INSL6: variants seen among roughly 807,000 people sequenced by gnomAD.
The protein encoded by INSL6 is insulin-like peptide INSL6.
INSL6 carries 16 observed loss-of-function variants against 9.4 expected under a neutral mutation model. The ratio of observed to expected loss-of-function variants is 1.70; its 90% CI spans 1.15 to 2.59. The LOEUF is 2.59. Among genes scored for constraint, INSL6 ranks in the 30% most tolerant of loss-of-function variants. The probability of loss-of-function intolerance (pLI) is 0.00; values close to 1 mark genes in which losing one functional copy is unlikely to be tolerated. For missense variants in INSL6, 391 were observed against 257.3 expected, an observed-to-expected ratio of 1.52 and a Z score of -3.56; for synonymous variants, 154 against 96.9, an observed-to-expected ratio of 1.59 and a Z score of -3.46.
chr9:5,127,749 T>C (rs760162707), intron 3 of INSL6: 1 of 232,512 alleles, frequency 4.3e-6, no homozygotes, highest in Non-Finnish European at 8.5e-6. Context: ...GATTAGATTG[T>C]TTTTTAAAAA....
chr9:5,108,679 T>G, the INSL6 span: 1 of 151,978 alleles, frequency 6.6e-6, no homozygotes, highest in Non-Finnish European at 1.5e-5. Flanking sequence ...CTCAGCCCCC[T>G]AACAGAATAT....
At position 5,165,529 on chromosome 9, in the gene INSL6, T is replaced by G. The variant is rs570566775; in HGVS notation, c.290-1264A>C. 2.6e-5 allele frequency among the ~76,000 whole-genome samples: 4 copies of G among 152,354 alleles called. No homozygotes were observed. The East Asian group carries it at 5.8e-4, about 22-fold the overall frequency. On this transcript the variant is annotated intron_variant, in intron 1 of 1. Coordinates refer to ENST00000381641, the MANE Select transcript of INSL6 (RefSeq NM_007179.3). ...GCATTTACCTCATGGCTAATGATGT[T>G]AAGCATTTTTTCATATGCTTATTAT...
chr9:4,998,112 G>C, the INSL6 span, among the ~76,000 whole-genome samples: 1 of 152,006 alleles, frequency 6.6e-6, no homozygotes, highest in African/African-American at 2.4e-5. Flanking sequence ...TTCACGAGCA[G>C]AATTAATTAA....
the INSL6 span, among the ~76,000 whole-genome samples, chr9:5,002,136 TTTGA>T: frequency 6.6e-6 from 1 of 151,790 alleles, no homozygotes; most frequent in Non-Finnish European, 1.5e-5. Flanking sequence ...AAAGTTTTGG[TTTGA>T]TTGATTTTCT....
the INSL6 span, among the ~76,000 whole-genome samples, chr9:5,019,195 T>C: frequency 6.6e-6 from 1 of 152,210 alleles, no homozygotes; most frequent in African/African-American, 2.4e-5. Context: ...AAAATTCTAA[T>C]ATTAGTTTGC....
chr9:5,185,202 G>T, intron 1 of INSL6, 112 bp downstream of exon 1: 1 of 1,329,534 alleles, frequency 7.5e-7, no homozygotes, highest in Non-Finnish European at 1.1e-6. Flanking sequence ...TTAAAGAGCT[G>T]TGTACTAGGC....
chr9:5,093,380 A>T, the INSL6 span, among the ~76,000 whole-genome samples: 1 of 152,176 alleles, frequency 6.6e-6, no homozygotes, highest in Non-Finnish European at 1.5e-5. Context: ...TTGCAAAGGT[A>T]ACATAATCAC....
chr9:5,116,492 C>T, the INSL6 span, among the ~76,000 whole-genome samples: 1 of 152,056 alleles, frequency 6.6e-6, no homozygotes, highest in Non-Finnish European at 1.5e-5. Context: ...TCTGTTTTGG[C>T]CATATCCCCA....
chr9:5,160,634 A>ATGGCATCATCTCGGCTCACTGC (rs1824906164), downstream of INSL6, among the ~76,000 whole-genome samples: 1 of 152,172 alleles, frequency 6.6e-6, no homozygotes, highest in Non-Finnish European at 1.5e-5. Context: ...AATGAATACA[A>ATGGCATCATCTCGGCTCACTGC]AAGATCAACG....
At position 5,150,508 on chromosome 9, in the gene INSL6, T is replaced by C. The variant is rs567931107; in HGVS notation, c.376+13671A>G. On this transcript the variant is annotated intron_variant, in intron 2 of 3. Coordinates refer to the INSL6 transcript ENST00000649639. ...TCACTGATGTTCAGAGAAAAACAAGTTGAAACTACAATAAGATGACATCTT... is the reference window on the plus strand; with the variant it reads ...TCACTGATGTTCAGAGAAAAACAAGCTGAAACTACAATAAGATGACATCTT... Among the ~76,000 whole-genome samples the C allele has an allele frequency of 2.6e-5, 4 of 152,224 alleles. No homozygotes were observed. The South Asian group carries it at 8.3e-4, about 32-fold the overall frequency.
intron 2 of INSL6, among the ~76,000 whole-genome samples, chr9:5,151,452 T>G (rs1824711149): frequency 6.6e-6 from 1 of 152,066 alleles, no homozygotes; most frequent in Non-Finnish European, 1.5e-5. Flanking sequence ...TTTGTGTGGT[T>G]TATAATGCAT....
At chr9:5,120,769 G>C (rs1823552929), downstream of INSL6, among the ~76,000 whole-genome samples, 1 of 152,150 alleles carries the variant, frequency 6.6e-6, no homozygotes, top group African/African-American at 2.4e-5. Context: ...ACTCTAAAGG[G>C]ACTTAGTGGG....
At chr9:5,028,227 T>G in the INSL6 span, among the ~76,000 whole-genome samples, 1 of 152,210 alleles carries the variant, frequency 6.6e-6, no homozygotes, top group East Asian at 1.9e-4. Flanking sequence ...CAACATGAAA[T>G]TCAATGTACA....
chr9:5,134,452 G>A lies in INSL6; in HGVS notation c.377-860C>T, dbSNP rs559226449. Among the ~76,000 whole-genome samples, 4 of 152,258 alleles carry A rather than the reference G, an allele frequency of 2.6e-5. No individual in the cohort carries two copies. The East Asian group carries it at 7.7e-4, about 29-fold the overall frequency. ...AAGGGCATCCAGAGAGAAAGGTCGG[G>A]TTACCCACAAAGGGAAGCCCATCAG... On this transcript the variant is annotated intron_variant, in intron 2 of 3. Coordinates refer to the INSL6 transcript ENST00000649639.
intron 3 of INSL6, among the ~76,000 whole-genome samples, chr9:5,128,530 A>G (rs558475602): frequency 1.3e-5 from 2 of 151,992 alleles, no homozygotes; most frequent in African/African-American, 4.8e-5. Flanking sequence ...ACTTAACTAC[A>G]TACTTAAAAG....
Position 5,184,844 on chromosome 9 carries a change from C to T in INSL6, c.289+470G>A, listed in dbSNP as rs1027549147. ...CTACCTTTATTTTCATGGCCCTTTC[C>T]TGCTTTTTTGAACAAGGTACTCTGC... On this transcript the variant is annotated intron_variant, in intron 1 of 1. Transcript: ENST00000381641. 5.9e-5 allele frequency among the ~76,000 whole-genome samples: 9 copies of T among 152,124 alleles called. 1 individual carries two copies. The highest frequency in any genetic ancestry group is 1.2e-4 in the Non-Finnish European group (8 of 68,008).
In INSL6 at chr9:5,167,342, G is replaced by T. The variant is rs183499159; in HGVS notation, c.290-3077C>A. Among the ~76,000 whole-genome samples, 774 of 152,348 alleles carry T rather than the reference G, an allele frequency of 5.1e-3. 8 individuals are homozygous for T. Among genetic ancestry groups the T allele is most frequent in the African/African-American group, 0.017 (697 of 41,590 alleles). ...CAGACTGATGGTGGCTGCTGAGGTG[G>T]GTGGCACTTGAGCAGGCACTGAGAC... On this transcript the variant is annotated intron_variant, in intron 1 of 1. Transcript: ENST00000381641.
chr9:5,145,322 G>T (rs1297862991), intron 2 of INSL6, among the ~76,000 whole-genome samples: 1 of 152,064 alleles, frequency 6.6e-6, no homozygotes, highest in Admixed American at 6.5e-5. Context: ...CCACTGAGAG[G>T]TCCACTGATA....
intron 3 of INSL6, among the ~76,000 whole-genome samples, chr9:5,128,594 ACTTTT>A (rs1331277425): frequency 6.6e-6 from 1 of 151,932 alleles, no homozygotes; most frequent in African/African-American, 2.4e-5. Flanking sequence ...ATGTGAACTA[ACTTTT>A]CTTAAACATT....
Sources: gnomAD v4.1 joint callset for allele counts (sites outside exome capture counted in the v4.1 genomes callset) on GRCh38, gnomAD v4.1.1 for gene constraint, MANE v1.5 for transcripts, NCBI Gene and HGNC (gene_info 2026-07-23, HGNC 2026-07-21) for gene names.